The following CCDC141 variants were observed in gnomAD, a reference collection of about 807,000 sequenced individuals.
CCDC141 encodes the protein coiled-coil domain-containing protein 141.
CCDC141 carries 168 observed loss-of-function variants against 181.0 expected under a neutral mutation model. The observed-to-expected ratio is 0.93, with a 90% CI of 0.82 to 1.05. The LOEUF is 1.05. Ranked by LOEUF, CCDC141 falls within the 50% of genes least tolerant of loss-of-function variation. The pLI, the probability that CCDC141 is intolerant of heterozygous loss-of-function variation, is 0.00. For missense variants in CCDC141, 1,902 were observed against 1,788.5 expected (o/e 1.06, Z -1.14); for synonymous variants, 666 against 642.3 (o/e 1.04, Z -0.56).
chr2:178,850,042 A>C lies in CCDC141; in HGVS notation c.3357+7T>G. 6.9e-7 allele frequency: 1 copy of C among 1,458,768 alleles called. No individual in the cohort carries two copies. 90.4% of individuals were successfully genotyped at this position (1,458,768 alleles called of 1,614,324 possible). A position where few individuals can be genotyped will look rare whatever the true frequency, so the allele number is the denominator to read the frequency against. ...TGAAAATACATATTCTAGGAAGAAG[A>C]AATTACCTTCAGTTTTTCTTCGAGC... On this transcript the variant is annotated splice_region_variant and intron_variant, in intron 21 of 23. Coordinates refer to ENST00000443758, the MANE Select transcript of CCDC141 (RefSeq NM_173648.4).
chr2:179,023,133 C>T (rs978101361), intron 2 of CCDC141, among the ~76,000 whole-genome samples: 2 of 152,292 alleles, frequency 1.3e-5, no homozygotes, highest in Admixed American at 6.5e-5. Context: ...TTTGTATATA[C>T]ACACTTGTGT....
chr2:178,996,990 G>A (rs1252279794), intron 2 of CCDC141, among the ~76,000 whole-genome samples: 1 of 152,108 alleles, frequency 6.6e-6, no homozygotes. Context: ...AAGGAGACAG[G>A]GACTCAAACA....
chr2:178,957,346 G>A (rs1033779499), intron 5 of CCDC141, among the ~76,000 whole-genome samples: 2 of 152,228 alleles, frequency 1.3e-5, no homozygotes, highest in East Asian at 1.9e-4. Flanking sequence ...TAAAGGTAAG[G>A]CCCATTGAAA....
chr2:178,872,657 G>C (rs1334676844), intron 12 of CCDC141, among the ~76,000 whole-genome samples: 1 of 152,180 alleles, frequency 6.6e-6, no homozygotes, highest in Non-Finnish European at 1.5e-5. Context: ...CGCATTTTAA[G>C]TATACTCCAT....
At chr2:179,018,523 T>C (rs757741713) in intron 2 of CCDC141, among the ~76,000 whole-genome samples, 26 of 152,208 alleles carry the variant, frequency 1.7e-4, no homozygotes, top group Admixed American at 2.6e-4. Context: ...TTTGCTGTTG[T>C]TTTTCTGAAG....
chr2:178,921,298 T>C lies in CCDC141; in HGVS notation c.898-2391A>G, dbSNP rs1386536978. On this transcript the variant is annotated intron_variant, in intron 6 of 23. Transcript: ENST00000443758. The stretch of plus-strand genomic sequence containing the variant: ...AACCATTACTTTAACCTACTGGGAA[T>C]GAGCAAATATTTTTAAAACAGTACA... 2.6e-5 allele frequency among the ~76,000 whole-genome samples: 4 copies of C among 152,380 alleles called. No homozygotes were observed. In the East Asian group the frequency reaches 5.8e-4, roughly 22 times the overall value.
rs576543866 is a variant in CCDC141, at chr2:178,831,324, C to T, written c.*2849G>A. On this transcript the variant is annotated 3_prime_UTR_variant, in exon 24 of 24. Transcript: ENST00000443758. ...AAAAACATTTTGTTTTGCAGTTCTT[C>T]AAAGTATCAAGTATTTATAATTTGT... The T allele has an allele frequency of 4.3e-4, 66 of 152,176 alleles. No individual in the cohort carries two copies. Among genetic ancestry groups the T allele is most frequent in the African/African-American group, 1.3e-3 (55 of 41,542 alleles). 9.4% of individuals were successfully genotyped at this position (152,176 alleles called of 1,614,324 possible).
chr2:178,821,404 C>G, the CCDC141 span, among the ~76,000 whole-genome samples: 1 of 152,256 alleles, frequency 6.6e-6, no homozygotes, highest in South Asian at 2.1e-4. Flanking sequence ...TGACTGTTCT[C>G]TTGATCATTT....
In CCDC141 at chr2:178,923,109, C is replaced by T. The variant is rs10189723; in HGVS notation, c.898-4202G>A. Among the ~76,000 whole-genome samples the T allele has an allele frequency of 8.7e-3, 1,089 of 124,926 alleles. 3 individuals are homozygous for T. The highest frequency in any genetic ancestry group is 0.013 in the Non-Finnish European group (743 of 59,338). The allele number at this position is 124,926 out of a possible 152,430, so 82.0% of individuals were successfully genotyped here. On this transcript the variant is annotated intron_variant, in intron 6 of 23. Coordinates refer to ENST00000443758, the MANE Select transcript of CCDC141 (RefSeq NM_173648.4). The stretch of plus-strand genomic sequence containing the variant: ...TTCCACCAGTTTATTTTTTTTTTTT[C>T]TTTTTTTTTTTTTGAGACGGAGTCT...
rs150972468 is a variant in CCDC141 at position 178,837,589 on chromosome 2, T to C, written c.3630A>G (p.Ser1210=). 7.7e-5 allele frequency: 124 copies of C among 1,613,792 alleles called. No homozygotes were observed. Among genetic ancestry groups the C allele is most frequent in the Admixed American group, 1.8e-4 (11 of 59,984 alleles). Reference sequence around the variant, plus strand: ...GAGGAGGCAAGGAGATGTCATCAGGTGAGACACACTCATATTCTTCCCCTG... The same window carrying C: ...GAGGAGGCAAGGAGATGTCATCAGGCGAGACACACTCATATTCTTCCCCTG... ...MLSGEEYECV[S]PDDISLPPLP... is the part of the protein sequence containing the mutation. The change falls in exon 23 of 24, where the codon TCA becomes TCG. Residue 1210 remains serine (S), a synonymous_variant. Transcript: ENST00000443758.
chr2:178,847,955 A>G (rs1359914272), intron 21 of CCDC141, among the ~76,000 whole-genome samples: 2 of 152,218 alleles, frequency 1.3e-5, no homozygotes, highest in African/African-American at 4.8e-5. Context: ...ATCTGCCAGC[A>G]TCTTGATCTT....
At chr2:179,042,370 G>A (rs2043334436) in intron 2 of CCDC141, among the ~76,000 whole-genome samples, 1 of 152,090 alleles carries the variant, frequency 6.6e-6, no homozygotes, top group Admixed American at 6.5e-5. Context: ...TTTTTTGACA[G>A]TCTTGCTCCG....
chr2:178,918,960 T>C, intron 6 of CCDC141, 53 bp from the exon 7 acceptor site: 1 of 1,452,576 alleles, frequency 6.9e-7, no homozygotes, highest in Non-Finnish European at 9.3e-7. Context: ...ATGGACCGAA[T>C]GCTTGTGTCC....
chr2:178,913,175 G>A (rs1170713709), intron 7 of CCDC141, among the ~76,000 whole-genome samples: 1 of 152,178 alleles, frequency 6.6e-6, no homozygotes, highest in African/African-American at 2.4e-5. Context: ...CTAGCTGAAT[G>A]CAAATATGGA....
At chr2:178,898,982 T>A (rs4893858) in intron 8 of CCDC141, among the ~76,000 whole-genome samples, 1 of 152,162 alleles carries the variant, frequency 6.6e-6, no homozygotes, top group Non-Finnish European at 1.5e-5. Context: ...CTGTAATCAT[T>A]TGAAACAACC....
At chr2:178,921,690 C>A (rs996119818) in intron 6 of CCDC141, among the ~76,000 whole-genome samples, 53 of 152,248 alleles carry the variant, frequency 3.5e-4, no homozygotes, top group African/African-American at 1.2e-3. Flanking sequence ...TTGTAGTCAT[C>A]TCAGGGGACC....
At chr2:178,995,692 C>T (rs951286578) in intron 2 of CCDC141, among the ~76,000 whole-genome samples, 2 of 152,154 alleles carry the variant, frequency 1.3e-5, no homozygotes, top group African/African-American at 2.4e-5. Flanking sequence ...AATGAATATC[C>T]ACTAAGAGAT....
At chr2:179,015,067 G>A (rs57021863) in intron 2 of CCDC141, among the ~76,000 whole-genome samples, 1 of 39,602 alleles carries the variant, frequency 2.5e-5, no homozygotes, top group Non-Finnish European at 6.6e-5. Flanking sequence ...GAGAGACAGA[G>A]ATATATATAT....
chr2:179,033,108 A>T (rs2043044999), intron 2 of CCDC141, among the ~76,000 whole-genome samples: 5 of 151,050 alleles, frequency 3.3e-5, no homozygotes. Context: ...TAAAACACAC[A>T]GACAAACCAA....
Sources: gnomAD v4.1 joint callset for allele counts (sites outside exome capture counted in the v4.1 genomes callset) on GRCh38, gnomAD v4.1.1 for gene constraint, MANE v1.5 for transcripts, NCBI Gene and HGNC (gene_info 2026-07-23, HGNC 2026-07-21) for gene names.